Variants in EMILIN2 observed in about 807,000 individuals in gnomAD.
EMILIN2 encodes the protein elastin microfibril interfacer 2, also known as EMILIN-2.
In EMILIN2, 71 loss-of-function variants were observed where a neutral mutation model predicts 87.1. The observed-to-expected ratio is 0.82, with a 90% confidence interval of 0.67 to 0.99. The LOEUF (loss-of-function observed/expected upper bound fraction) is 0.99, where lower values mean the gene tolerates loss of function less well. Ranked by LOEUF, EMILIN2 falls within the 50% of genes least tolerant of loss-of-function variation. The pLI, the probability that EMILIN2 is intolerant of heterozygous loss-of-function variation, is 0.00. For synonymous variants in EMILIN2, 581 were observed against 563.4 expected, an observed-to-expected ratio of 1.03 and a Z score of -0.44; for missense variants, 1,407 against 1,371.8, an observed-to-expected ratio of 1.03 and a Z score of -0.40.
chr18:2,907,048 C>G lies in EMILIN2; in HGVS notation c.2625C>G (p.Gly875=), dbSNP rs768332767. 7.8e-7 allele frequency: 1 copy of G among 1,276,590 alleles called. No homozygotes were observed. The highest frequency in any genetic ancestry group is 2.8e-5 in the South Asian group (1 of 35,672). 79.1% of individuals were successfully genotyped at this position (1,276,590 alleles called of 1,614,324 possible). A position where few individuals can be genotyped will look rare whatever the true frequency, so the allele number is the denominator to read the frequency against. Residue 875 remains glycine, a synonymous_variant, in exon 5 of 8, where the codon GGC becomes GGG. Coordinates refer to ENST00000254528, the MANE Select transcript of EMILIN2 (RefSeq NM_032048.3). ...GCGTGGACGGCCAGACCGGGAGCGG[C>G]ACCGTCCCCGGCGCAGAAGGCTTCG... ...PRGVDGQTGS[G]TVPGAEGFAG... is the part of the protein sequence containing the mutation.
rs528154440 is a variant in EMILIN2 at position 2,869,990 on chromosome 18, C to T, written c.258-14974C>T. Among the ~76,000 whole-genome samples, 141 of 152,186 alleles carry T rather than the reference C, an allele frequency of 9.3e-4. 1 individual carries two copies. Among genetic ancestry groups the T allele is most frequent in the Middle Eastern group, 3.4e-3 (1 of 294 alleles). On this transcript the variant is annotated intron_variant, in intron 2 of 7. Transcript: ENST00000254528. ...GGCATGGTGGCTCACACCTGTAACA[C>T]GACACTTTGGGAGGCTGAGGCAGGT...
Position 2,891,768 on chromosome 18 carries a change from A to C in EMILIN2, c.1641A>C (p.Gln547His). ...MELNHLKDKV[Q>H]VVEDICLLNI... Reference sequence around the variant, plus strand: ...TAAACCACCTGAAGGACAAAGTTCAAGTTGTTGAAGACATTTGCCTGCTGA... The same window carrying C: ...TAAACCACCTGAAGGACAAAGTTCACGTTGTTGAAGACATTTGCCTGCTGA... The change falls in exon 4 of 8, where the codon CAA becomes CAC. Residue 547 changes from glutamine to histidine, a missense_variant. Transcript: ENST00000254528. This position sits in a 1 kb window ranked among gnomAD's most constrained non-coding sequence, Gnocchi z 4.6. 6.2e-7 allele frequency: 1 copy of C among 1,614,272 alleles called. No homozygotes were observed. The highest frequency in any genetic ancestry group is 8.5e-7 in the Non-Finnish European group (1 of 1,180,054).
chr18:2,853,384 A>G (rs889474566), intron 2 of EMILIN2, among the ~76,000 whole-genome samples: 2 of 152,036 alleles, frequency 1.3e-5, no homozygotes, highest in Non-Finnish European at 2.9e-5. Flanking sequence ...GACTCTCCGG[A>G]GCTGCTGTAA....
chr18:2,882,798 G>A (rs184092408), intron 2 of EMILIN2, among the ~76,000 whole-genome samples: 2,040 of 151,858 alleles, frequency 0.013, 49 homozygotes, highest in African/African-American at 0.046. Context: ...CAGGCGAATC[G>A]CTTGAACCCG....
At chr18:2,883,416 G>T (rs890745397) in intron 2 of EMILIN2, among the ~76,000 whole-genome samples, 2 of 152,162 alleles carry the variant, frequency 1.3e-5, no homozygotes, top group African/African-American at 4.8e-5. Flanking sequence ...TTGCTTTCTG[G>T]GAATTGGCTC....
Position 2,903,009 on chromosome 18 carries a change from GA to G in EMILIN2, c.2360-3773del, listed in dbSNP as rs529819669. Among the ~76,000 whole-genome samples, 7 of 152,280 alleles carry G rather than the reference GA, an allele frequency of 4.6e-5. No individual in the cohort carries two copies. The East Asian group carries it at 1.2e-3, about 25-fold the overall frequency. On this transcript the variant is annotated intron_variant, in intron 4 of 7. Transcript: ENST00000254528. ...CTTTGCCATTTTAAGATGCTTTGCT[GA>G]CTAACTTATCGAGGGTTGAAGGACA...
intron 3 of EMILIN2, among the ~76,000 whole-genome samples, chr18:2,887,406 G>A (rs918924758): frequency 6.6e-6 from 1 of 152,096 alleles, no homozygotes; most frequent in Admixed American, 6.6e-5. Context: ...TGGGAGATGG[G>A]GTATCATGGG....
chr18:2,872,543 G>A (rs531597838), intron 2 of EMILIN2, among the ~76,000 whole-genome samples: 122 of 152,242 alleles, frequency 8.0e-4, no homozygotes, highest in African/African-American at 2.6e-3. Context: ...TTTAATACTC[G>A]ATGAAAAAGC....
In EMILIN2 at chr18:2,885,031, T is replaced by C. The variant is rs2076796227; in HGVS notation, c.325T>C (p.Cys109Arg). The C allele has an allele frequency of 6.2e-7, 1 of 1,613,614 alleles. No individual in the cohort carries two copies. Among genetic ancestry groups the C allele is most frequent in the Non-Finnish European group, 8.5e-7 (1 of 1,179,880 alleles). ...YKTVTQLEWR[C>R]CPGFRGGDCQ... ...GACAGTGACACAGTTGGAATGGAGGTGCTGTCCTGGCTTTAGAGGGGGAGA... is the reference window on the plus strand; with the variant it reads ...GACAGTGACACAGTTGGAATGGAGGCGCTGTCCTGGCTTTAGAGGGGGAGA... The change falls in exon 3 of 8, where the codon TGC becomes CGC. Residue 109 changes from cysteine to arginine, a missense_variant. By Grantham distance (180) the Cys-to-Arg change is radical. Coordinates refer to ENST00000254528, the MANE Select transcript of EMILIN2 (RefSeq NM_032048.3).
chr18:2,889,124 C>CTTTCTTTCTTTTCT (rs1555668456), intron 3 of EMILIN2, among the ~76,000 whole-genome samples: 1 of 115,740 alleles, frequency 8.6e-6, no homozygotes, highest in African/African-American at 3.4e-5. Flanking sequence ...CTTTTCATTT[C>CTTTCTTTCTTTTCT]TTTCTTTTCT....
At chr18:2,888,385 C>T (rs34190911) in intron 3 of EMILIN2, among the ~76,000 whole-genome samples, 22,202 of 151,988 alleles carry the variant, frequency 0.15, 1,877 homozygotes, top group South Asian at 0.33. Context: ...TCCACTTGCA[C>T]ATGATTCAGT....
intron 2 of EMILIN2, among the ~76,000 whole-genome samples, chr18:2,873,481 G>A (rs2076731306): frequency 6.6e-6 from 1 of 151,896 alleles, no homozygotes; most frequent in African/African-American, 2.4e-5. Context: ...GCCGAGGCGG[G>A]TGGATCACGA....
chr18:2,911,326 GC>G (rs1438474437), intron 7 of EMILIN2, among the ~76,000 whole-genome samples: 1 of 152,220 alleles, frequency 6.6e-6, no homozygotes, highest in Non-Finnish European at 1.5e-5. Flanking sequence ...TTGTGCATGT[GC>G]CCACGTGAGG....
chr18:2,873,537 C>G (rs2076731842), intron 2 of EMILIN2, among the ~76,000 whole-genome samples: 1 of 151,828 alleles, frequency 6.6e-6, no homozygotes, highest in South Asian at 2.1e-4. Context: ...GAAACCCCAT[C>G]TCTACTAAAA....
rs536322902 is a variant in EMILIN2, at chr18:2,883,976, G to A, written c.258-988G>A. ...CTTTCTTTCTTTTTATTTTTTTTGA[G>A]TTGGAGTCTTGCTCTGTCACCCAGG... On this transcript the variant is annotated intron_variant, in intron 2 of 7. Transcript: ENST00000254528. Among the ~76,000 whole-genome samples, 246 of 152,204 alleles carry A rather than the reference G, an allele frequency of 1.6e-3. 1 individual carries two copies. Among genetic ancestry groups the A allele is most frequent in the Middle Eastern group, 3.4e-3 (1 of 294 alleles).
intron 7 of EMILIN2, 145 bp from the exon 8 acceptor site, chr18:2,912,922 C>A (rs3745014): frequency 0.28 from 223,039 of 800,552 alleles, 33,532 homozygotes; most frequent in African/African-American, 0.51. Flanking sequence ...GCATAAAAAG[C>A]AGCTGAGGCA....
At chr18:2,850,325 A>C (rs769108677) in intron 2 of EMILIN2, among the ~76,000 whole-genome samples, 6 of 151,968 alleles carry the variant, frequency 3.9e-5, no homozygotes, top group African/African-American at 7.3e-5. Context: ...GCTGTTTCAC[A>C]TGGAATTGTT....
intron 4 of EMILIN2, among the ~76,000 whole-genome samples, chr18:2,899,990 C>T (rs1057382669): frequency 6.6e-6 from 1 of 152,182 alleles, no homozygotes; most frequent in Admixed American, 6.5e-5. Flanking sequence ...TTGTACTTTG[C>T]AGAAATTTAG....
chr18:2,870,867 C>T (rs898812136), intron 2 of EMILIN2, among the ~76,000 whole-genome samples: 5 of 152,174 alleles, frequency 3.3e-5, no homozygotes, highest in African/African-American at 7.2e-5. Context: ...TGTAGATGTC[C>T]GTCTTCTCCC....
Sources: allele counts gnomAD v4.1 joint callset (sites outside exome capture counted in the v4.1 genomes callset), GRCh38; gene constraint gnomAD v4.1.1; non-coding constraint Gnocchi (gnomAD v3.1); transcripts MANE v1.5; gene names NCBI Gene and HGNC (gene_info 2026-07-23, HGNC 2026-07-21).